Variants in UST observed in about 807,000 individuals in gnomAD.
The protein encoded by UST is chondroitin sulfate 2-O-sulfotransferase.
A neutral mutation model predicts 45.6 loss-of-function variants in UST; 21 were observed. That is an observed-to-expected ratio of 0.46 (90% CI 0.33 to 0.66). The LOEUF (loss-of-function observed/expected upper bound fraction) is 0.66. Ranked by LOEUF, UST falls within the 30% of genes least tolerant of loss-of-function variation. The pLI is 0.02. For synonymous variants in UST, 215 were observed against 200.6 expected (o/e 1.07, Z -0.61); for missense variants, 463 against 512.4 (o/e 0.90, Z 0.93).
Position 148,982,836 on chromosome 6 carries a change from A to G in UST, c.681+18273A>G, listed in dbSNP as rs533690603. On this transcript the variant is annotated intron_variant, in intron 5 of 7. Transcript: ENST00000367463. ...AATCTTCAGAATTTAATTTTCAAAA[A>G]GGTTTCCTTTTCCTGGGAAAGCTCT... is the stretch of plus-strand genomic sequence containing the variant. Among the ~76,000 whole-genome samples the G allele has an allele frequency of 1.2e-3, 176 of 152,330 alleles. 1 individual carries two copies. Among genetic ancestry groups the G allele is most frequent in the African/African-American group, 4.2e-3 (175 of 41,564 alleles).
At chr6:149,040,380 G>A (rs982647689) in intron 7 of UST, among the ~76,000 whole-genome samples, 9 of 152,042 alleles carry the variant, frequency 5.9e-5, no homozygotes, top group East Asian at 3.9e-4. Context: ...ATTGTAGGCC[G>A]GGCGCAGTGA....
chr6:148,791,791 T>C (rs1197909579), intron 1 of UST, among the ~76,000 whole-genome samples: 1 of 152,210 alleles, frequency 6.6e-6, no homozygotes. Flanking sequence ...GAGGTTAGCT[T>C]TCCTGTTTTC....
At chr6:149,054,596 A>G (rs2115038147) in intron 7 of UST, among the ~76,000 whole-genome samples, 1 of 152,328 alleles carries the variant, frequency 6.6e-6, no homozygotes, top group African/African-American at 2.4e-5. Context: ...GCAGGCATTT[A>G]GTAGATTAAG....
intron 2 of UST, among the ~76,000 whole-genome samples, chr6:148,913,522 A>G (rs1315605242): frequency 6.8e-6 from 1 of 146,078 alleles, no homozygotes; most frequent in African/African-American, 2.6e-5. Flanking sequence ...AGATAATTTC[A>G]TTGTCAGTAA....
At chr6:148,849,994 A>G (rs1453432958) in intron 1 of UST, among the ~76,000 whole-genome samples, 2 of 152,186 alleles carry the variant, frequency 1.3e-5, no homozygotes, top group Non-Finnish European at 2.9e-5. Flanking sequence ...ATACTGTTCT[A>G]TGTGGTATAT....
At chr6:148,887,560 T>C (rs1341661962) in intron 2 of UST, among the ~76,000 whole-genome samples, 1 of 152,246 alleles carries the variant, frequency 6.6e-6, no homozygotes, top group Non-Finnish European at 1.5e-5. Context: ...TCCTTTAGTA[T>C]AGTTTCCCTA....
At chr6:149,070,081 A>G (rs1479583276) in intron 7 of UST, among the ~76,000 whole-genome samples, 1 of 152,056 alleles carries the variant, frequency 6.6e-6, no homozygotes, top group East Asian at 1.9e-4. Context: ...CAAATAATTT[A>G]AGTAATGAAT....
At chr6:148,830,813 A>G (rs1052270245) in intron 1 of UST, among the ~76,000 whole-genome samples, 5 of 152,226 alleles carry the variant, frequency 3.3e-5, no homozygotes, top group East Asian at 3.9e-4. Context: ...GGAGGAGGAA[A>G]TGGGGAGCTA....
intron 2 of UST, among the ~76,000 whole-genome samples, chr6:148,893,901 C>T (rs918414103): frequency 1.3e-5 from 2 of 152,070 alleles, no homozygotes; most frequent in African/African-American, 2.4e-5. Flanking sequence ...GCCTCTAATC[C>T]GAGCACTTTT....
chr6:148,914,530 G>T (rs1257355789), intron 2 of UST, among the ~76,000 whole-genome samples: 1 of 152,064 alleles, frequency 6.6e-6, no homozygotes, highest in Non-Finnish European at 1.5e-5. Context: ...TCTATGATAT[G>T]TAGTCCAATT....
intron 5 of UST, among the ~76,000 whole-genome samples, chr6:148,974,699 A>G (rs554117035): frequency 6.6e-6 from 1 of 152,352 alleles, no homozygotes; most frequent in East Asian, 1.9e-4. Context: ...CAATTTCATG[A>G]CAAGCAAAGC....
chr6:148,791,054 T>C (rs13211840), intron 1 of UST, among the ~76,000 whole-genome samples: 22,578 of 152,244 alleles, frequency 0.15, 1,966 homozygotes, highest in African/African-American at 0.23. Context: ...CTTTTTCAAT[T>C]CAGTGCTTTT....
At position 149,036,615 on chromosome 6, in the gene UST, G is replaced by A. The variant is rs536461759; in HGVS notation, c.937+15134G>A. 4.6e-5 allele frequency among the ~76,000 whole-genome samples: 7 copies of A among 152,276 alleles called. No individual in the cohort carries two copies. In the East Asian group the frequency reaches 9.6e-4, roughly 21 times the overall value. On this transcript the variant is annotated intron_variant, in intron 7 of 7. Coordinates refer to ENST00000367463, the MANE Select transcript of UST (RefSeq NM_005715.3). ...TTCTGCTGCCAGCTTTGTGTTTACC[G>A]TTCTTAGCTAGATCTGTCACACACA... is the stretch of plus-strand genomic sequence containing the variant.
At chr6:148,916,291 TA>T (rs1162632705) in intron 2 of UST, among the ~76,000 whole-genome samples, 1 of 152,154 alleles carries the variant, frequency 6.6e-6, no homozygotes, top group Non-Finnish European at 1.5e-5. Flanking sequence ...ATGCTGCAGG[TA>T]AGAGCTAGAA....
rs147440609 is a variant in UST at position 148,786,702 on chromosome 6, C to T, written c.247+39025C>T. ...TGAATAGTGCTGCAATGAACATATG[C>T]GTGCATGTCTGTTTGTAATAGAACT... On this transcript the variant is annotated intron_variant, in intron 1 of 7. Transcript: ENST00000367463. 3.8e-4 allele frequency among the ~76,000 whole-genome samples: 58 copies of T among 152,198 alleles called. No individual in the cohort carries two copies. In the East Asian group the frequency reaches 9.3e-3, roughly 24 times the overall value.
At chr6:148,876,401 C>T (rs1313752147) in intron 1 of UST, among the ~76,000 whole-genome samples, 1 of 152,128 alleles carries the variant, frequency 6.6e-6, no homozygotes. Flanking sequence ...ATTTAATTAT[C>T]TTAACTCTGT....
chr6:148,829,992 A>G lies in UST; in HGVS notation c.248-56994A>G, dbSNP rs117641300. Reference sequence around the variant, plus strand: ...TAACATTTAAAAACCACCAGGCACTACACTTAAAAGATGGATGATGAATGC... The same window carrying G: ...TAACATTTAAAAACCACCAGGCACTGCACTTAAAAGATGGATGATGAATGC... On this transcript the variant is annotated intron_variant, in intron 1 of 7. Coordinates refer to ENST00000367463, the MANE Select transcript of UST (RefSeq NM_005715.3). Among the ~76,000 whole-genome samples, 1,228 of 152,346 alleles carry G rather than the reference A, an allele frequency of 8.1e-3. 8 individuals are homozygous for G. Among genetic ancestry groups the G allele is most frequent in the Middle Eastern group, 0.014 (4 of 294 alleles).
Position 149,051,646 on chromosome 6 carries a change from T to C in UST, c.938-22187T>C, listed in dbSNP as rs181495896. On this transcript the variant is annotated intron_variant, in intron 7 of 7. Coordinates refer to ENST00000367463, the MANE Select transcript of UST (RefSeq NM_005715.3). ...GCAGAGGATTGAATGGCACAGTTCC[T>C]GATCTCAGCAGGCTATGGTTTCCCC... Among the ~76,000 whole-genome samples, 14 of 152,364 alleles carry C rather than the reference T, an allele frequency of 9.2e-5. No homozygotes were observed. The East Asian group carries it at 2.3e-3, about 25-fold the overall frequency.
chr6:148,943,811 A>G (rs1232426738), intron 3 of UST, among the ~76,000 whole-genome samples: 1 of 152,242 alleles, frequency 6.6e-6, no homozygotes, highest in Non-Finnish European at 1.5e-5. Context: ...ATTAAATTGT[A>G]AGGCAGTTTT....
Sources: allele counts gnomAD v4.1 joint callset (sites outside exome capture counted in the v4.1 genomes callset), GRCh38; gene constraint gnomAD v4.1.1; transcripts MANE v1.5; gene names NCBI Gene and HGNC (gene_info 2026-07-23, HGNC 2026-07-21).